TRHDE: variants seen among roughly 807,000 people sequenced by gnomAD.
TRHDE encodes thyrotropin-releasing hormone-degrading ectoenzyme.
Under a neutral mutation model 125.7 loss-of-function variants are expected in TRHDE, and 72 were observed. The ratio of observed to expected loss-of-function variants is 0.57; its 90% CI spans 0.47 to 0.70. The LOEUF (loss-of-function observed/expected upper bound fraction) is 0.70. Ranked by LOEUF, TRHDE falls within the 30% of genes least tolerant of loss-of-function variation. The pLI, the probability that TRHDE is intolerant of heterozygous loss-of-function variation, is 0.00. For missense variants in TRHDE, 1,110 were observed against 1,327.1 expected (o/e 0.84, Z 2.54); for synonymous variants, 509 against 509.1 (o/e 1.00, Z 0.00).
rs1870951555 is a variant in TRHDE, at chr12:72,575,531, C to T, written c.2310C>T (p.Phe770=). The T allele has an allele frequency of 6.2e-7, 1 of 1,613,642 alleles. No homozygotes were observed. Among genetic ancestry groups the T allele is most frequent in the Non-Finnish European group, 8.5e-7 (1 of 1,179,722 alleles). Residue 770 remains phenylalanine, a synonymous_variant, in exon 12 of 19, where the codon TTC becomes TTT. Coordinates refer to ENST00000261180, the MANE Select transcript of TRHDE (RefSeq NM_013381.3). The stretch of plus-strand genomic sequence containing the variant: ...GAGCGGGCTTGATCGATGATGCCTT[C>T]AGCCTAGCCAGGTATGTTTTCCTGT... ...SNRAGLIDDA[F]SLARAGYLPQ... is the part of the protein sequence containing the mutation.
intron 12 of TRHDE, among the ~76,000 whole-genome samples, chr12:72,614,846 A>G (rs1478950898): frequency 6.6e-6 from 1 of 152,178 alleles, no homozygotes; most frequent in Non-Finnish European, 1.5e-5. Context: ...TTAAAAAGCA[A>G]TTTGGGATCT....
chr12:72,278,601 C>T (rs1879578751), intron 1 of TRHDE, among the ~76,000 whole-genome samples: 1 of 152,150 alleles, frequency 6.6e-6, no homozygotes, highest in African/African-American at 2.4e-5. Context: ...CACATCCTTG[C>T]TAACAGTTGT....
rs941459766 is a variant in TRHDE, at chr12:72,148,842, G to T, written n.279+43090G>T. 3.7e-4 allele frequency among the ~76,000 whole-genome samples: 56 copies of T among 152,188 alleles called. 4 individuals are homozygous for T. Among genetic ancestry groups the T allele is most frequent in the Non-Finnish European group, 7.3e-5 (5 of 68,038 alleles). ...ACATCCTGCAACTTGTTTTGTGAAAGCGACTATCTTGCAAGCTGGACTAGA... is the reference window on the plus strand; with the variant it reads ...ACATCCTGCAACTTGTTTTGTGAAATCGACTATCTTGCAAGCTGGACTAGA... On this transcript the variant is annotated intron_variant and non_coding_transcript_variant, in intron 2 of 4. Transcript: ENST00000548156.
At chr12:72,326,153 A>G (rs559015552) in intron 2 of TRHDE, among the ~76,000 whole-genome samples, 4 of 152,216 alleles carry the variant, frequency 2.6e-5, no homozygotes, top group South Asian at 2.1e-4. Context: ...AAGGACACCT[A>G]TACCTTCAAA....
At position 72,196,254 on chromosome 12, in the gene TRHDE, A is replaced by G. The variant is rs572428056; in HGVS notation, n.279+90502A>G. ...AATTTTAGGATAGCTTTCTAGCTCC[A>G]TGAAGAATGATATTGGTAGCTTGAT... On this transcript the variant is annotated intron_variant and non_coding_transcript_variant, in intron 2 of 4. Transcript: ENST00000548156. Among the ~76,000 whole-genome samples the G allele has an allele frequency of 9.3e-4, 142 of 152,128 alleles. 2 individuals are homozygous for G. The highest frequency in any genetic ancestry group is 3.4e-3 in the African/African-American group (140 of 41,542).
At chr12:72,266,576 C>A (rs1412941271) in intron 2 of TRHDE, among the ~76,000 whole-genome samples, 2 of 151,308 alleles carry the variant, frequency 1.3e-5, no homozygotes, top group African/African-American at 4.9e-5. Flanking sequence ...GTAGCACTTA[C>A]CATGTGCTAG....
At chr12:72,592,066 A>G (rs1871709898) in intron 12 of TRHDE, among the ~76,000 whole-genome samples, 1 of 152,010 alleles carries the variant, frequency 6.6e-6, no homozygotes, top group Non-Finnish European at 1.5e-5. Context: ...AATTGGTCAA[A>G]TATTTTTTTC....
At chr12:72,556,480 C>T (rs185266280) in intron 7 of TRHDE, among the ~76,000 whole-genome samples, 71 of 152,320 alleles carry the variant, frequency 4.7e-4, no homozygotes, top group Non-Finnish European at 8.8e-4. Flanking sequence ...GAGTGGCTAC[C>T]ACAGGACCCT....
chr12:72,458,107 T>C (rs1875949276), intron 3 of TRHDE, among the ~76,000 whole-genome samples: 1 of 152,152 alleles, frequency 6.6e-6, no homozygotes, highest in Non-Finnish European at 1.5e-5. Flanking sequence ...GGTTTTACCC[T>C]CCCTTCAGGT....
At chr12:72,450,970 G>A (rs549458735) in intron 3 of TRHDE, among the ~76,000 whole-genome samples, 111 of 152,140 alleles carry the variant, frequency 7.3e-4, no homozygotes, top group African/African-American at 2.5e-3. Flanking sequence ...AATTGCAGTG[G>A]TTTGCTCATT....
At chr12:72,346,491 G>C (rs1870334465) in intron 2 of TRHDE, among the ~76,000 whole-genome samples, 1 of 308 alleles carries the variant, frequency 3.2e-3, no homozygotes, top group African/African-American at 0.056. Flanking sequence ...AACTGTTCCC[G>C]AGGAGCATCT....
At chr12:72,602,667 A>G (rs1314851859) in intron 12 of TRHDE, among the ~76,000 whole-genome samples, 1 of 152,190 alleles carries the variant, frequency 6.6e-6, no homozygotes, top group Non-Finnish European at 1.5e-5. Flanking sequence ...TAAATTCTAA[A>G]TCACCACAAT....
At chr12:72,591,794 C>T (rs1460921905) in intron 12 of TRHDE, among the ~76,000 whole-genome samples, 2 of 151,430 alleles carry the variant, frequency 1.3e-5, no homozygotes, top group Non-Finnish European at 2.9e-5. Flanking sequence ...CTTTCACCCA[C>T]CACTTTAAAC....
chr12:72,407,502 G>T (rs1175478604), intron 3 of TRHDE, among the ~76,000 whole-genome samples: 1 of 152,156 alleles, frequency 6.6e-6, no homozygotes, highest in Non-Finnish European at 1.5e-5. Flanking sequence ...CACCCTCAGA[G>T]GAAAGTGTCA....
At chr12:72,448,002 C>T (rs530998432) in intron 3 of TRHDE, among the ~76,000 whole-genome samples, 2 of 152,116 alleles carry the variant, frequency 1.3e-5, no homozygotes, top group South Asian at 4.1e-4. Flanking sequence ...TAGCTGATTT[C>T]CCATCATGTT....
chr12:72,429,657 G>T (rs75291748), intron 3 of TRHDE, among the ~76,000 whole-genome samples: 4 of 151,914 alleles, frequency 2.6e-5, no homozygotes, highest in African/African-American at 4.8e-5. Context: ...CAGTATTGAG[G>T]GTTCCAATTT....
At chr12:72,396,895 T>G (rs929912331) in intron 3 of TRHDE, among the ~76,000 whole-genome samples, 2 of 152,222 alleles carry the variant, frequency 1.3e-5, no homozygotes, top group Non-Finnish European at 2.9e-5. Flanking sequence ...TATTTGATAT[T>G]CCAAGAATGG....
rs1040719226 is a variant in TRHDE, at chr12:72,519,951, T to C, written c.1722+20316T>C. Among the ~76,000 whole-genome samples, 4 of 152,176 alleles carry C rather than the reference T, an allele frequency of 2.6e-5. No homozygotes were observed. The South Asian group carries it at 6.2e-4, about 24-fold the overall frequency. On this transcript the variant is annotated intron_variant, in intron 6 of 18. Coordinates refer to ENST00000261180, the MANE Select transcript of TRHDE (RefSeq NM_013381.3). ...AGGGGGTGCCTCCCAGTGAGGCTGT[T>C]TGGGGGTCAGGGGTCAGGGACCCAC... is the stretch of plus-strand genomic sequence containing the variant.
At chr12:72,640,070 A>C (rs965854807) in intron 15 of TRHDE, among the ~76,000 whole-genome samples, 20 of 152,298 alleles carry the variant, frequency 1.3e-4, no homozygotes, top group African/African-American at 4.6e-4. Context: ...TACCTAAGCA[A>C]GCCTGGGCAA....
Sources: allele counts gnomAD v4.1 joint callset (sites outside exome capture counted in the v4.1 genomes callset), GRCh38; gene constraint gnomAD v4.1.1; transcripts MANE v1.5; gene names NCBI Gene and HGNC (gene_info 2026-07-23, HGNC 2026-07-21).